Variants in SPATA19 observed in about 807,000 individuals in gnomAD.
The protein encoded by SPATA19 is spermatogenesis-associated protein 19, mitochondrial.
In SPATA19, 19 loss-of-function variants were observed where a neutral mutation model predicts 25.0. The observed-to-expected ratio is 0.76, with a 90% CI of 0.53 to 1.11. SPATA19 has a LOEUF of 1.11. Among genes scored for constraint, SPATA19 ranks in the 50% most tolerant of loss-of-function variants. SPATA19 has a pLI of 0.00. For synonymous variants in SPATA19, 64 were observed against 69.3 expected (o/e 0.92, Z 0.38); for missense variants, 222 against 211.4 (o/e 1.05, Z -0.31).
In SPATA19 at chr11:133,842,546, G is replaced by C. The variant is rs753364627; in HGVS notation, c.376C>G (p.Gln126Glu). ...TCCTCTGTCATCTCACTTGGCACTTGGAAGATACGAGTGTGGCTGCAAAAG... is the reference window on the plus strand; with the variant it reads ...TCCTCTGTCATCTCACTTGGCACTTCGAAGATACGAGTGTGGCTGCAAAAG... ...FIRWSHTRIF[Q>E]VPSEMTEDIM... Residue 126 changes from glutamine (Q) to glutamate (E), a missense_variant, in exon 5 of 7, where the codon CAA becomes GAA. Physicochemically the swap from Gln to Glu is conservative, Grantham distance 29 (BLOSUM62 2). Coordinates refer to ENST00000299140, the MANE Select transcript of SPATA19 (RefSeq NM_174927.3). The C allele has an allele frequency of 6.2e-6, 10 of 1,613,710 alleles. No individual in the cohort carries two copies. The African/African-American group carries it at 1.2e-4, about 19-fold the overall frequency.
At chr11:133,844,748 C>G in intron 2 of SPATA19, 108 bp from the exon 3 acceptor site, 1 of 1,271,492 alleles carries the variant, frequency 7.9e-7, no homozygotes, top group Non-Finnish European at 1.1e-6. Flanking sequence ...TCACACACCA[C>G]ATATTCACAC....
At chr11:133,838,902 T>C (rs1212919922), downstream of SPATA19, among the ~76,000 whole-genome samples, 1 of 152,172 alleles carries the variant, frequency 6.6e-6, no homozygotes, top group Non-Finnish European at 1.5e-5. Flanking sequence ...AAAGAAGACA[T>C]TTATGCAGCC....
Position 133,845,190 on chromosome 11 carries a change from C to A in SPATA19, c.79G>T (p.Asp27Tyr), listed in dbSNP as rs772940153. The change falls in exon 2 of 7, where the codon GAC (aspartate) becomes TAC (tyrosine). Residue 27 changes from aspartate to tyrosine, a missense_variant and splice_region_variant. By Grantham distance (160) the Asp-to-Tyr change is radical (BLOSUM62 -3). Transcript: ENST00000299140. Reference sequence around the variant, plus strand: ...GCCTCACTTTCCACAACGTCAATGTCCTGGAACAAATTGGCAAGTTGGTGA... The same window carrying A: ...GCCTCACTTTCCACAACGTCAATGTACTGGAACAAATTGGCAAGTTGGTGA... ...GLPFLPITSS[D>Y]IDVVESEAVS... 9.9e-6 allele frequency: 16 copies of A among 1,614,044 alleles called. No homozygotes were observed. Among genetic ancestry groups the A allele is most frequent in the Non-Finnish European group, 1.4e-5 (16 of 1,179,990 alleles).
chr11:133,839,334 T>C (rs1938263448), downstream of SPATA19, among the ~76,000 whole-genome samples: 1 of 152,188 alleles, frequency 6.6e-6, no homozygotes, highest in Non-Finnish European at 1.5e-5. Context: ...ATATCCACCA[T>C]GGAATACTAT....
intron 3 of SPATA19, 73 bp from the exon 4 acceptor site, chr11:133,844,410 G>T: frequency 6.2e-7 from 1 of 1,610,044 alleles, no homozygotes; most frequent in Non-Finnish European, 8.5e-7. Flanking sequence ...GAGCCCAGAC[G>T]AGCACCTCAC....
Position 133,844,346 on chromosome 11 carries a change from T to G in SPATA19, c.268-9A>C. 2 of 1,614,064 alleles carry G rather than the reference T, an allele frequency of 1.2e-6. No individual in the cohort carries two copies. The highest frequency in any genetic ancestry group is 8.5e-7 in the Non-Finnish European group (1 of 1,179,922). ...GAGAGGTGGTGCTTCACCTGGGAAA[T>G]CCAGAGGGTCCATGTGATTCCTGCC... On this transcript the variant is annotated splice_polypyrimidine_tract_variant and intron_variant, in intron 3 of 6. Transcript: ENST00000299140.
chr11:133,840,037 GACA>G (rs1414341029), downstream of SPATA19, among the ~76,000 whole-genome samples: 1 of 151,914 alleles, frequency 6.6e-6, no homozygotes, highest in Non-Finnish European at 1.5e-5. Flanking sequence ...GAAAATCAAA[GACA>G]AAATTTCTTG....
chr11:133,835,976 T>G (rs2723614), downstream of SPATA19, among the ~76,000 whole-genome samples: 49,893 of 152,060 alleles, frequency 0.33, 9,370 homozygotes, highest in East Asian at 0.6. Flanking sequence ...CCGCCGTCCT[T>G]TGGCACAGCC....
At chr11:133,840,340 C>T (rs1328698757), downstream of SPATA19, among the ~76,000 whole-genome samples, 1 of 152,148 alleles carries the variant, frequency 6.6e-6, no homozygotes, top group East Asian at 1.9e-4. Flanking sequence ...GGCAGAAACT[C>T]AAATCTACAT....
chr11:133,839,214 A>G (rs2723610), downstream of SPATA19, among the ~76,000 whole-genome samples: 46,805 of 151,958 alleles, frequency 0.31, 8,692 homozygotes, highest in East Asian at 0.6. Context: ...TCATGCTGCT[A>G]TAAAGACACA....
In SPATA19 at chr11:133,845,206, A is replaced by G. The variant is rs775688059; in HGVS notation, c.79-16T>C. 6.2e-7 allele frequency: 1 copy of G among 1,613,818 alleles called. No individual in the cohort carries two copies. The highest frequency in any genetic ancestry group is 1.3e-5 in the African/African-American group (1 of 74,916). ...CGTCAATGTCCTGGAACAAATTGGC[A>G]AGTTGGTGACCTCAGAAAACCTAGA... is the stretch of plus-strand genomic sequence containing the variant. On this transcript the variant is annotated splice_polypyrimidine_tract_variant and intron_variant, in intron 1 of 6. Coordinates refer to ENST00000299140, the MANE Select transcript of SPATA19 (RefSeq NM_174927.3).
intron 4 of SPATA19, among the ~76,000 whole-genome samples, chr11:133,842,958 G>A (rs530865863): frequency 6.6e-6 from 1 of 152,242 alleles, no homozygotes; most frequent in South Asian, 2.1e-4. Context: ...ATGCTTCTAG[G>A]AAAGCCTACA....
At chr11:133,840,616 A>C (rs917264749), downstream of SPATA19, 2 of 152,218 alleles carry the variant, frequency 1.3e-5, no homozygotes, top group East Asian at 3.9e-4. Context: ...CAGCACCCCA[A>C]CCAGCAACAG....
At chr11:133,835,936 C>T (rs377517408), downstream of SPATA19, among the ~76,000 whole-genome samples, 181 of 152,360 alleles carry the variant, frequency 1.2e-3, 3 homozygotes, top group South Asian at 0.037. Flanking sequence ...GAACCTGCCA[C>T]TGCCCAGTGG....
downstream of SPATA19, among the ~76,000 whole-genome samples, chr11:133,835,978 G>A (rs1364291585): frequency 6.6e-6 from 1 of 152,130 alleles, no homozygotes; most frequent in Admixed American, 6.5e-5. Context: ...GCCGTCCTTT[G>A]GCACAGCCTG....
downstream of SPATA19, among the ~76,000 whole-genome samples, chr11:133,839,286 G>A (rs1221794824): frequency 1.3e-5 from 2 of 152,104 alleles, no homozygotes; most frequent in Non-Finnish European, 2.9e-5. Flanking sequence ...CAACCCAAAT[G>A]TCCAACAATG....
intron 1 of SPATA19, 77 bp from the exon 2 acceptor site, chr11:133,845,267 A>G (rs1316531555): frequency 8.3e-7 from 1 of 1,207,608 alleles, no homozygotes; most frequent in African/African-American, 1.5e-5. Context: ...CGCAACTGTT[A>G]CTCAAATTTA....
downstream of SPATA19, among the ~76,000 whole-genome samples, chr11:133,836,295 T>C (rs1182414158): frequency 6.6e-6 from 1 of 152,112 alleles, no homozygotes; most frequent in African/African-American, 2.4e-5. Context: ...TCCCTCGCCC[T>C]ACCTTACTGG....
downstream of SPATA19, among the ~76,000 whole-genome samples, chr11:133,840,121 C>A (rs1373003591): frequency 6.6e-6 from 1 of 152,076 alleles, no homozygotes; most frequent in Non-Finnish European, 1.5e-5. Context: ...GGTTACCGTA[C>A]AAGCAAGATG....
Sources: allele counts gnomAD v4.1 joint callset (sites outside exome capture counted in the v4.1 genomes callset), GRCh38; gene constraint gnomAD v4.1.1; transcripts MANE v1.5; gene names NCBI Gene and HGNC (gene_info 2026-07-23, HGNC 2026-07-21).